Variants in MARCHF8 observed in about 807,000 individuals in gnomAD.
MARCHF8 encodes the protein E3 ubiquitin-protein ligase MARCHF8.
MARCHF8 carries 40 observed loss-of-function variants against 51.6 expected under a neutral mutation model. The ratio of observed to expected loss-of-function variants is 0.77; its 90% CI spans 0.60 to 1.01. The LOEUF (loss-of-function observed/expected upper bound fraction) is 1.01. Among genes scored for constraint, MARCHF8 ranks in the 50% least tolerant of loss-of-function variants. The pLI, the probability that MARCHF8 is intolerant of heterozygous loss-of-function variation, is 0.00. For missense variants in MARCHF8, 685 were observed against 708.6 expected (o/e 0.97, Z 0.38); for synonymous variants, 263 against 280.3 (o/e 0.94, Z 0.62).
intron 1 of MARCHF8, among the ~76,000 whole-genome samples, chr10:45,563,587 G>GA (rs574208091): frequency 6.6e-6 from 1 of 151,934 alleles, no homozygotes. Context: ...AAAATCAAGT[G>GA]AAAAAACCTT....
intron 1 of MARCHF8, among the ~76,000 whole-genome samples, chr10:45,550,152 T>A (rs1253051201): frequency 1.3e-5 from 2 of 152,246 alleles, no homozygotes; most frequent in Non-Finnish European, 2.9e-5. Context: ...AGTGTTTTTA[T>A]AAGGTGTTTT....
chr10:45,463,670 G>A lies in MARCHF8; in HGVS notation c.569C>T (p.Thr190Met), dbSNP rs564144489. The A allele has an allele frequency of 6.4e-6, 10 of 1,550,782 alleles. No individual in the cohort carries two copies. Among genetic ancestry groups the A allele is most frequent in the African/African-American group, 1.4e-5 (1 of 73,188 alleles). ...ATGAAACCTGTTAGTTCTGAGACAC[G>A]TATCTTGAGGGAGTATTAATTTCCC... ...SEGKLILPQD[T>M]CLRTNRFHHK... The change falls in exon 5 of 8, where the codon ACG becomes ATG. Residue 190 changes from threonine (T) to methionine (M), a missense_variant. Coordinates refer to ENST00000453424, the MANE Select transcript of MARCHF8 (RefSeq NM_001282866.2).
chr10:45,593,329 A>C (rs79346814), intron 1 of MARCHF8: 13 of 151,910 alleles, frequency 8.6e-5, no homozygotes, highest in African/African-American at 2.9e-4. Flanking sequence ...AAAAAAAAAA[A>C]CCTGATAATT....
At chr10:45,524,625 C>G (rs1010927133) in intron 2 of MARCHF8, among the ~76,000 whole-genome samples, 1 of 152,136 alleles carries the variant, frequency 6.6e-6, no homozygotes, top group Non-Finnish European at 1.5e-5. Flanking sequence ...TATAAAAAAG[C>G]TAGAAATGGT....
At chr10:45,544,078 A>G (rs1221662894) in intron 1 of MARCHF8, among the ~76,000 whole-genome samples, 1 of 152,108 alleles carries the variant, frequency 6.6e-6, no homozygotes, top group East Asian at 1.9e-4. Context: ...TAAAAAATAA[A>G]ATAAAATAAT....
intron 1 of MARCHF8, among the ~76,000 whole-genome samples, chr10:45,563,068 C>G (rs2044328383): frequency 6.6e-6 from 1 of 152,002 alleles, no homozygotes; most frequent in Admixed American, 6.6e-5. Flanking sequence ...ACTCTGTCAC[C>G]CAGGCTGGAG....
chr10:45,464,923 T>A (rs541113752), intron 3 of MARCHF8, among the ~76,000 whole-genome samples: 2 of 152,086 alleles, frequency 1.3e-5, no homozygotes, highest in Non-Finnish European at 2.9e-5. Context: ...CACAGAATGC[T>A]CCCAACAGAT....
At position 45,456,136 on chromosome 10, in the gene MARCHF8, A is replaced by T. The variant is rs1213487954; in HGVS notation, c.*2103T>A. ...CTGGGTGGCAGGAACAAGTATACAA[A>T]ACCAGGGGCCTTGCCTGGGCAGTTC... is the stretch of plus-strand genomic sequence containing the variant. On this transcript the variant is annotated 3_prime_UTR_variant, in exon 8 of 8. Coordinates refer to ENST00000453424, the MANE Select transcript of MARCHF8 (RefSeq NM_001282866.2). The T allele has an allele frequency of 6.6e-6, 1 of 152,328 alleles. No homozygotes were observed. Among genetic ancestry groups the T allele is most frequent in the Non-Finnish European group, 1.5e-5 (1 of 68,108 alleles). The allele number at this position is 152,328 out of a possible 1,614,324, so 9.4% of individuals were successfully genotyped here. A position where few individuals can be genotyped will look rare whatever the true frequency, so the allele number is the denominator to read the frequency against.
chr10:45,531,394 C>T (rs1340007990), intron 2 of MARCHF8, among the ~76,000 whole-genome samples: 2 of 152,062 alleles, frequency 1.3e-5, no homozygotes, highest in Non-Finnish European at 2.9e-5. Context: ...GATGGAAATA[C>T]ACCAGAAATG....
intron 2 of MARCHF8, among the ~76,000 whole-genome samples, chr10:45,495,042 C>T (rs2043147497): frequency 6.6e-6 from 1 of 151,886 alleles, no homozygotes; most frequent in Non-Finnish European, 1.5e-5. Context: ...ACTGCTTGAA[C>T]CTGAAAGGCA....
rs1228226379 is a variant in MARCHF8, at chr10:45,463,710, T to A, written c.529A>T (p.Arg177Ter). ...ATTAATTTCCCTTCAGAACAAGTTC[T>A]TTCCACATAGGCAAAACTTTCTGAA... is the stretch of plus-strand genomic sequence containing the variant. ...DTSESFAYVE[R>*]TCSEGKLILP... Residue 177 changes from arginine (R) to a stop codon, truncating the protein, a stop_gained, in exon 5 of 8, where the codon AGA becomes TGA. Transcript: ENST00000453424. LOFTEE classifies it high-confidence loss of function. The A allele has an allele frequency of 2.6e-6, 4 of 1,551,120 alleles. No homozygotes were observed. Among genetic ancestry groups the A allele is most frequent in the East Asian group, 4.9e-5 (2 of 40,932 alleles).
At position 45,551,840 on chromosome 10, in the gene MARCHF8, TACACACACAC is replaced by T. The variant is rs139172803; in HGVS notation, c.-78-18561_-78-18552del. On this transcript the variant is annotated intron_variant, in intron 1 of 6. Coordinates refer to the MARCHF8 transcript ENST00000319836. ...CTATCTATATATATAGGTATATCTGTACACACACACACACACACACACACAGACACACACA... is the reference window on the plus strand; with the variant it reads ...CTATCTATATATATAGGTATATCTGTACACACACACACACAGACACACACA... Among the ~76,000 whole-genome samples, 9 of 148,552 alleles carry T rather than the reference TACACACACAC, an allele frequency of 6.1e-5. No individual in the cohort carries two copies. The South Asian group carries it at 8.5e-4, about 14-fold the overall frequency.
At chr10:45,486,980 T>C (rs1255655906) in intron 3 of MARCHF8, among the ~76,000 whole-genome samples, 1 of 151,842 alleles carries the variant, frequency 6.6e-6, no homozygotes, top group African/African-American at 2.4e-5. Context: ...TGGCTATTTT[T>C]TTGGAATTTT....
chr10:45,527,634 C>T (rs950670388), intron 2 of MARCHF8, among the ~76,000 whole-genome samples: 8 of 151,946 alleles, frequency 5.3e-5, no homozygotes, highest in African/African-American at 1.9e-4. Context: ...AATCTCCCAA[C>T]AACAAAAAAC....
Position 45,516,518 on chromosome 10 carries a change from C to G in MARCHF8, c.102+16592G>C, listed in dbSNP as rs1019369199. On this transcript the variant is annotated intron_variant, in intron 2 of 7. Transcript: ENST00000453424. ...TGGCTCACGCCTGTTAATCCCGGCA[C>G]TTTGGGAGGCCAAGGTGGGTGGATC... 5.3e-5 allele frequency among the ~76,000 whole-genome samples: 8 copies of G among 152,238 alleles called. No homozygotes were observed. The South Asian group carries it at 6.2e-4, about 12-fold the overall frequency.
intron 1 of MARCHF8, among the ~76,000 whole-genome samples, chr10:45,561,538 T>C (rs1428976882): frequency 6.6e-6 from 1 of 151,122 alleles, no homozygotes; most frequent in Non-Finnish European, 1.5e-5. Context: ...CCTCCCAAAG[T>C]GCTGGCATTA....
chr10:45,582,866 C>G (rs2044570468), intron 1 of MARCHF8, among the ~76,000 whole-genome samples: 1 of 152,116 alleles, frequency 6.6e-6, no homozygotes, highest in Non-Finnish European at 1.5e-5. Context: ...TAGACTACTA[C>G]CTGGCTTTGC....
At chr10:45,568,221 G>A (rs1008851473) in intron 1 of MARCHF8, among the ~76,000 whole-genome samples, 5 of 152,258 alleles carry the variant, frequency 3.3e-5, no homozygotes, top group East Asian at 3.9e-4. Context: ...TGTAAACAAC[G>A]ATAATTTGAC....
upstream of MARCHF8, among the ~76,000 whole-genome samples, chr10:45,538,845 T>TA (rs1230887667): frequency 1.3e-5 from 2 of 152,160 alleles, no homozygotes; most frequent in African/African-American, 4.8e-5. Flanking sequence ...CAAAGAGACT[T>TA]AGACACCCAC....
Sources: allele counts gnomAD v4.1 joint callset (sites outside exome capture counted in the v4.1 genomes callset), GRCh38; gene constraint gnomAD v4.1.1; transcripts MANE v1.5; gene names NCBI Gene and HGNC (gene_info 2026-07-23, HGNC 2026-07-21).